The following TJP1 variants were observed in gnomAD, a reference collection of about 807,000 sequenced individuals.
TJP1 encodes tight junction protein 1.
In TJP1, 43 loss-of-function variants were observed where a neutral mutation model predicts 194.2. That is an observed-to-expected ratio of 0.22 (90% CI 0.17 to 0.29). The LOEUF (loss-of-function observed/expected upper bound fraction) is 0.29, where lower values mean the gene tolerates loss of function less well. Among genes scored for constraint, TJP1 ranks in the 10% least tolerant of loss-of-function variants. The pLI is 1.00. For synonymous variants in TJP1, 801 were observed against 779.0 expected, an observed-to-expected ratio of 1.03 and a Z score of -0.47; for missense variants, 1,971 against 2,185.7, an observed-to-expected ratio of 0.90 and a Z score of 1.96.
chr15:29,936,997 C>CAATTCATTA (rs2054906380), intron 2 of TJP1, among the ~76,000 whole-genome samples: 1 of 152,134 alleles, frequency 6.6e-6, no homozygotes, highest in African/African-American at 2.4e-5. Context: ...TTATAACAAG[C>CAATTCATTA]AATTCATTAA....
At chr15:29,883,581 T>C (rs1354913360) in intron 2 of TJP1, among the ~76,000 whole-genome samples, 1 of 149,068 alleles carries the variant, frequency 6.7e-6, no homozygotes, top group Non-Finnish European at 1.5e-5. Flanking sequence ...GTACGTGTCC[T>C]TTTTTTTTTC....
intron 2 of TJP1, among the ~76,000 whole-genome samples, chr15:29,874,869 G>T (rs982147792): frequency 6.6e-6 from 1 of 152,110 alleles, no homozygotes; most frequent in African/African-American, 2.4e-5. Flanking sequence ...TGACATGCAC[G>T]TACATAAAGT....
chr15:29,846,052 A>G (rs1471452344), intron 2 of TJP1, among the ~76,000 whole-genome samples: 2 of 151,626 alleles, frequency 1.3e-5, no homozygotes, highest in Non-Finnish European at 2.9e-5. Context: ...CTGCACTCAC[A>G]CCTCCTAACC....
rs894600158 is a variant in TJP1, at chr15:29,736,632, G to A, written c.1407+632C>T. On this transcript the variant is annotated intron_variant, in intron 11 of 27. Transcript: ENST00000614355. ...TGGTACTATGTCACTAGGTGAAACC[G>A]TTTATGGGGAAGGAAGGGAGGACTC... Among the ~76,000 whole-genome samples, 13 of 152,206 alleles carry A rather than the reference G, an allele frequency of 8.5e-5. No individual in the cohort carries two copies. The South Asian group carries it at 2.3e-3, about 27-fold the overall frequency.
At chr15:29,726,148 G>A (rs1026296954) in intron 18 of TJP1, among the ~76,000 whole-genome samples, 4 of 152,134 alleles carry the variant, frequency 2.6e-5, no homozygotes, top group Non-Finnish European at 5.9e-5. Context: ...TTCTTTAGGA[G>A]ACAATCCTAC....
chr15:29,721,879 C>A (rs144390506), intron 18 of TJP1, among the ~76,000 whole-genome samples: 3 of 152,184 alleles, frequency 2.0e-5, no homozygotes, highest in African/African-American at 7.2e-5. Flanking sequence ...TGGCACTGTG[C>A]CCCTGCTCTA....
intron 1 of TJP1, among the ~76,000 whole-genome samples, chr15:29,809,287 A>T (rs1157388815): frequency 1.3e-5 from 2 of 152,212 alleles, no homozygotes; most frequent in Non-Finnish European, 2.9e-5. Context: ...CTACTACATT[A>T]GACAGAATTG....
intron 2 of TJP1, among the ~76,000 whole-genome samples, chr15:29,885,554 C>G (rs2152142301): frequency 6.6e-6 from 1 of 152,354 alleles, no homozygotes; most frequent in Middle Eastern, 3.4e-3. Context: ...AGACAACTGC[C>G]CTGCTAAGCT....
chr15:29,872,415 A>C (rs1185860899), intron 2 of TJP1, among the ~76,000 whole-genome samples: 1 of 152,214 alleles, frequency 6.6e-6, no homozygotes, highest in African/African-American at 2.4e-5. Context: ...CAATTCAAGG[A>C]TAGTATAACA....
At chr15:29,725,491 A>G (rs1053027388) in intron 18 of TJP1, among the ~76,000 whole-genome samples, 1 of 152,138 alleles carries the variant, frequency 6.6e-6, no homozygotes, top group Non-Finnish European at 1.5e-5. Context: ...AGGAAGTACA[A>G]AGAACAAAAT....
intron 8 of TJP1, among the ~76,000 whole-genome samples, chr15:29,750,383 C>T (rs1214999320): frequency 6.6e-6 from 1 of 152,148 alleles, no homozygotes; most frequent in African/African-American, 2.4e-5. Flanking sequence ...AGGCAATCTG[C>T]TCGCCTCGGC....
chr15:29,712,563 A>C (rs1357615738), intron 23 of TJP1, among the ~76,000 whole-genome samples: 2 of 152,206 alleles, frequency 1.3e-5, no homozygotes, highest in Non-Finnish European at 2.9e-5. Context: ...GGAACATATC[A>C]CTAACTCTCA....
intron 2 of TJP1, among the ~76,000 whole-genome samples, chr15:29,786,420 T>G (rs1331847714): frequency 6.6e-6 from 1 of 152,242 alleles, no homozygotes; most frequent in East Asian, 1.9e-4. Flanking sequence ...TTATTTTATT[T>G]ACTTTATTGC....
intron 2 of TJP1, among the ~76,000 whole-genome samples, chr15:29,788,294 CAA>C (rs1008437689): frequency 2.0e-5 from 3 of 151,926 alleles, no homozygotes; most frequent in African/African-American, 4.8e-5. Context: ...CTTTGAAGCA[CAA>C]AAGTTTCTAA....
At chr15:29,885,960 T>C (rs886238975) in intron 2 of TJP1, among the ~76,000 whole-genome samples, 4 of 152,174 alleles carry the variant, frequency 2.6e-5, no homozygotes, top group Admixed American at 2.6e-4. Context: ...GAAGAAGGCT[T>C]GGGACAGGAA....
intron 23 of TJP1, among the ~76,000 whole-genome samples, chr15:29,714,101 G>A (rs917301110): frequency 6.6e-6 from 1 of 152,160 alleles, no homozygotes; most frequent in Non-Finnish European, 1.5e-5. Flanking sequence ...CCTACTGCAT[G>A]CAAGGCAATG....
intron 1 of TJP1, among the ~76,000 whole-genome samples, chr15:29,819,858 A>T (rs2050204919): frequency 6.6e-6 from 1 of 152,212 alleles, no homozygotes; most frequent in Non-Finnish European, 1.5e-5. Context: ...AGAAACATTT[A>T]GTAGTATATA....
intron 1 of TJP1, among the ~76,000 whole-genome samples, chr15:29,804,019 T>C (rs1320382851): frequency 6.6e-6 from 1 of 150,916 alleles, no homozygotes; most frequent in Non-Finnish European, 1.5e-5. Context: ...GTTTTACCAC[T>C]CCTTATCTTT....
At chr15:29,765,900 AAACAACAAC>A (rs140295014) in intron 5 of TJP1, among the ~76,000 whole-genome samples, 1 of 152,046 alleles carries the variant, frequency 6.6e-6, no homozygotes, top group South Asian at 2.1e-4. Context: ...ACAACAACAA[AAACAACAAC>A]AACAACAACA....
Sources: gnomAD v4.1 joint callset for allele counts (sites outside exome capture counted in the v4.1 genomes callset) on GRCh38, gnomAD v4.1.1 for gene constraint, MANE v1.5 for transcripts, NCBI Gene and HGNC (gene_info 2026-07-23, HGNC 2026-07-21) for gene names.